The following KDM1A variants were observed in gnomAD, a reference collection of about 807,000 sequenced individuals.
KDM1A encodes lysine-specific histone demethylase 1A.
A neutral mutation model predicts 109.4 loss-of-function variants in KDM1A; 49 were observed. That is an observed-to-expected ratio of 0.45 (90% CI 0.36 to 0.57). The LOEUF is 0.57. KDM1A is among the 20% of genes least tolerant of loss of function. KDM1A has a pLI of 0.00. For synonymous variants in KDM1A, 380 were observed against 415.4 expected, an observed-to-expected ratio of 0.91 and a Z score of 1.04; for missense variants, 668 against 1,116.6, an observed-to-expected ratio of 0.60 and a Z score of 5.73.
Position 23,019,567 on chromosome 1 carries a change from CTACGGCCGTCGGCGGCCCG to C in KDM1A, c.-29_-11del, listed in dbSNP as rs1641541272. The C allele has an allele frequency of 7.2e-7, 1 of 1,395,150 alleles. No individual in the cohort carries two copies. 86.4% of individuals were successfully genotyped at this position (1,395,150 alleles called of 1,614,324 possible). A position where few individuals can be genotyped will look rare whatever the true frequency, so the allele number is the denominator to read the frequency against. On this transcript the variant is annotated 5_prime_UTR_variant, in exon 1 of 21. Transcript: ENST00000400181. ...CACGGAGCGACAGAGCGAGCGGCCCCTACGGCCGTCGGCGGCCCGGCGGCCCGAGATGTTATCTGGGAAG... is the reference window on the plus strand; with the variant it reads ...CACGGAGCGACAGAGCGAGCGGCCCCGCGGCCCGAGATGTTATCTGGGAAG...
In KDM1A at chr1:23,030,583, C is replaced by G; in HGVS notation, c.466C>G (p.Pro156Ala). 1.2e-6 allele frequency: 2 copies of G among 1,607,158 alleles called. No homozygotes were observed. The highest frequency in any genetic ancestry group is 1.7e-6 in the Non-Finnish European group (2 of 1,178,106). ...GGAAAAGAAGCTTCCCCCACCACCC[C>G]CTCAAGCCCCACCTGAGGAAGAAAA... Reference protein sequence around the residue: ...EKEKKLPPPPPQAPPEEENES... With the variant: ...EKEKKLPPPPAQAPPEEENES... The change falls in exon 2 of 21, where the codon CCT (proline) becomes GCT (alanine). Residue 156 changes from proline to alanine, a missense_variant. Physicochemically the swap from Pro to Ala is conservative, Grantham distance 27. Coordinates refer to ENST00000400181, the MANE Select transcript of KDM1A (RefSeq NM_001009999.3).
intron 13 of KDM1A, among the ~76,000 whole-genome samples, chr1:23,071,672 A>C (rs909984641): frequency 1.1e-4 from 16 of 152,184 alleles, no homozygotes; most frequent in African/African-American, 3.6e-4. Context: ...GTCTGATTCA[A>C]ATCCCTAACT....
At chr1:23,044,371 G>A (rs772820564) in intron 2 of KDM1A, 56 bp from the exon 3 acceptor site, 23 of 1,523,818 alleles carry the variant, frequency 1.5e-5, no homozygotes, top group Middle Eastern at 1.7e-4. Context: ...TTTATGTCCA[G>A]ATATTATCCT....
rs1372099614 is a variant in KDM1A at position 23,058,922 on chromosome 1, T to C, written c.1073-151T>C. The C allele has an allele frequency of 1.5e-5, 7 of 462,844 alleles. No individual in the cohort carries two copies. In the Admixed American group the frequency reaches 2.8e-4, roughly 19 times the overall value. 28.7% of individuals were successfully genotyped at this position (462,844 alleles called of 1,614,324 possible). A position where few individuals can be genotyped will look rare whatever the true frequency, so the allele number is the denominator to read the frequency against. ...TTTGCCTTCATGTTTGTCTTACATA[T>C]TTTTACTTAGAGTGCTTTTTTTTTT... On this transcript the variant is annotated intron_variant, in intron 8 of 20. Transcript: ENST00000400181.
At chr1:23,023,020 A>ACC (rs1641689150) in intron 1 of KDM1A, among the ~76,000 whole-genome samples, 3 of 152,150 alleles carry the variant, frequency 2.0e-5, no homozygotes, top group Non-Finnish European at 2.9e-5. Context: ...ATTGGGGGTA[A>ACC]AGTGGTATCT....
At chr1:23,074,839 T>G (rs545639171) in intron 15 of KDM1A, among the ~76,000 whole-genome samples, 1 of 152,356 alleles carries the variant, frequency 6.6e-6, no homozygotes, top group East Asian at 1.9e-4. Flanking sequence ...TGAAAATTAA[T>G]TGGCATGTAA....
Position 23,079,899 on chromosome 1 carries a change from G to T in KDM1A, c.2170+232G>T, listed in dbSNP as rs1643568841. Among the ~76,000 whole-genome samples, 1 of 152,142 alleles carries T rather than the reference G, an allele frequency of 6.6e-6. No homozygotes were observed. Among genetic ancestry groups the T allele is most frequent in the Non-Finnish European group, 1.5e-5 (1 of 68,028 alleles). ...CAGGCTTAGAACAGGGCAGTAGGTG[G>T]CCTGATGGGCTGAACGCCCAGGTTA... On this transcript the variant is annotated intron_variant, in intron 18 of 20. Coordinates refer to ENST00000400181, the MANE Select transcript of KDM1A (RefSeq NM_001009999.3). This position sits in a 1 kb window ranked among gnomAD's most constrained non-coding sequence, Gnocchi z 5.6.
chr1:23,067,992 A>G (rs956741438), intron 10 of KDM1A, among the ~76,000 whole-genome samples: 1 of 152,224 alleles, frequency 6.6e-6, no homozygotes, highest in African/African-American at 2.4e-5. Context: ...ATTACTGTGC[A>G]AAAGAATAAA....
At chr1:23,032,192 C>G (rs1642004160) in intron 2 of KDM1A, among the ~76,000 whole-genome samples, 1 of 152,090 alleles carries the variant, frequency 6.6e-6, no homozygotes, top group Admixed American at 6.5e-5. Flanking sequence ...TTCAAGGGCT[C>G]TAAGTACTAC....
At chr1:23,021,626 C>G (rs1641632060) in intron 1 of KDM1A, among the ~76,000 whole-genome samples, 1 of 152,212 alleles carries the variant, frequency 6.6e-6, no homozygotes, top group Non-Finnish European at 1.5e-5. Flanking sequence ...GATCGTGCCA[C>G]TGCACTTCAG....
intron 1 of KDM1A, among the ~76,000 whole-genome samples, chr1:23,026,055 C>T (rs1007521131): frequency 2.0e-5 from 3 of 152,012 alleles, no homozygotes; most frequent in Non-Finnish European, 2.9e-5. Context: ...CACGCCACTG[C>T]TTTCCAGCCT....
At chr1:23,073,191 C>T (rs1038236259) in intron 14 of KDM1A, 101 bp from the exon 15 acceptor site, 3 of 668,360 alleles carry the variant, frequency 4.5e-6, no homozygotes, top group African/African-American at 3.6e-5. Context: ...TAAGGCACAG[C>T]CCTGGCTTAG....
chr1:23,072,027 G>C (rs1643335449), intron 13 of KDM1A, 97 bp from the exon 14 acceptor site: 1 of 740,360 alleles, frequency 1.4e-6, no homozygotes, highest in Non-Finnish European at 2.3e-6. Flanking sequence ...ATGATCTGAA[G>C]AGGAAATATG....
At chr1:23,069,600 G>A (rs1200898372) in intron 12 of KDM1A, among the ~76,000 whole-genome samples, 1 of 152,246 alleles carries the variant, frequency 6.6e-6, no homozygotes. Context: ...TTGGACAAGC[G>A]TGGTTTAGCT....
At chr1:23,064,235 A>G (rs1334685833) in intron 9 of KDM1A, among the ~76,000 whole-genome samples, 4 of 152,206 alleles carry the variant, frequency 2.6e-5, no homozygotes, top group African/African-American at 9.6e-5. Flanking sequence ...TATTCGCCCT[A>G]TGGGGATAAT....
chr1:23,059,273 G>A (rs1433575400), intron 9 of KDM1A, 106 bp downstream of exon 9: 5 of 786,196 alleles, frequency 6.4e-6, no homozygotes, highest in African/African-American at 3.4e-5. Context: ...ATATAGAGGT[G>A]TATATATATA....
rs1429057112 is a variant in KDM1A, at chr1:23,083,323, G to A, written c.2590G>A (p.Ala864Thr). The stretch of plus-strand genomic sequence containing the variant: ...GGCCATGTATACGCTGCCTCGCCAG[G>A]CCACACCAGGTGTTCCTGCACAGCA... ...LGAMYTLPRQ[A>T]TPGVPAQQSP... is the part of the protein sequence containing the mutation. Residue 864 changes from alanine to threonine, a missense_variant, in exon 21 of 21, where the codon GCC (alanine) becomes ACC (threonine). By Grantham distance (58) the Ala-to-Thr change is moderately conservative. Around this residue, in one of 8 missense-constraint regions of KDM1A, gnomAD observed 69 missense variants for 99.6 expected, o/e 0.69. Coordinates refer to ENST00000400181, the MANE Select transcript of KDM1A (RefSeq NM_001009999.3). 6.2e-7 allele frequency: 1 copy of A among 1,613,792 alleles called. No individual in the cohort carries two copies. The highest frequency in any genetic ancestry group is 1.3e-5 in the African/African-American group (1 of 74,886).
intron 9 of KDM1A, among the ~76,000 whole-genome samples, chr1:23,063,660 C>T (rs1269576875): frequency 6.6e-6 from 1 of 152,132 alleles, no homozygotes; most frequent in Non-Finnish European, 1.5e-5. Context: ...TTTTTGCCCC[C>T]TTAATTATAG....
At position 23,077,117 on chromosome 1, in the gene KDM1A, A is replaced by T. The variant is rs547396104; in HGVS notation, c.1735-111A>T. On this transcript the variant is annotated intron_variant, in intron 15 of 20. Transcript: ENST00000400181. ...TGATTTGTTCTTTAGTTTGCCTTAA[A>T]ATATTGACTGTTTCCACAAGCTTGT... 1.8e-4 allele frequency: 191 copies of T among 1,038,498 alleles called. 1 individual carries two copies. The South Asian group carries it at 3.5e-3, about 19-fold the overall frequency. 64.3% of individuals were successfully genotyped at this position (1,038,498 alleles called of 1,614,324 possible).
Sources: allele counts gnomAD v4.1 joint callset (sites outside exome capture counted in the v4.1 genomes callset), GRCh38; gene constraint gnomAD v4.1.1; regional missense constraint gnomAD v4.1.1; non-coding constraint Gnocchi (gnomAD v3.1); transcripts MANE v1.5; gene names NCBI Gene and HGNC (gene_info 2026-07-23, HGNC 2026-07-21).